RNF170: variants seen among roughly 807,000 people sequenced by gnomAD.
The protein encoded by RNF170 is ring finger protein 170.
A neutral mutation model predicts 32.7 loss-of-function variants in RNF170; 12 were observed. The ratio of observed to expected loss-of-function variants is 0.37; its 90% CI spans 0.24 to 0.60. The LOEUF is 0.60. Among genes scored for constraint, RNF170 ranks in the 20% least tolerant of loss-of-function variants. The pLI, the probability that RNF170 is intolerant of heterozygous loss-of-function variation, is 0.72. For synonymous variants in RNF170, 91 were observed against 103.6 expected, an observed-to-expected ratio of 0.88 and a Z score of 0.74; for missense variants, 212 against 311.2, an observed-to-expected ratio of 0.68 and a Z score of 2.40.
At chr8:42,864,731 A>G (rs1355735733) in intron 5 of RNF170, among the ~76,000 whole-genome samples, 1 of 152,090 alleles carries the variant, frequency 6.6e-6, no homozygotes, top group Non-Finnish European at 1.5e-5. Flanking sequence ...AAATCATTAT[A>G]TACCATTTAA....
intron 3 of RNF170, 103 bp from the exon 4 acceptor site, chr8:42,870,215 C>G: frequency 1.3e-6 from 1 of 783,856 alleles, no homozygotes; most frequent in East Asian, 2.6e-5. Context: ...GTGTGTAACC[C>G]TCATCAAACT....
In RNF170 at chr8:42,876,993, G is replaced by A. The variant is rs1289436340; in HGVS notation, c.138-2987C>T. 4.9e-5 allele frequency among the ~76,000 whole-genome samples: 7 copies of A among 143,700 alleles called. No individual in the cohort carries two copies. In the South Asian group the frequency reaches 8.7e-4, roughly 18 times the overall value. 94.3% of individuals were successfully genotyped at this position (143,700 alleles called of 152,430 possible). ...TTTTGAGACAGAGTCTTGTTCTGTC[G>A]TCCAGGCTGGGGTGCAGTGGCGCCA... On this transcript the variant is annotated intron_variant, in intron 2 of 6. Transcript: ENST00000527424.
intron 6 of RNF170, among the ~76,000 whole-genome samples, chr8:42,857,542 G>A (rs1188610755): frequency 1.3e-5 from 2 of 152,238 alleles, no homozygotes; most frequent in East Asian, 3.9e-4. Context: ...AATTAGACCA[G>A]AAATAATGAA....
chr8:42,888,244 T>C (rs2128953391), intron 1 of RNF170, among the ~76,000 whole-genome samples: 1 of 151,840 alleles, frequency 6.6e-6, no homozygotes, highest in South Asian at 2.1e-4. Context: ...TTTTTGTATT[T>C]TAGTAGAGAC....
chr8:42,867,471 CAAAAAAA>C (rs34272095), intron 4 of RNF170, among the ~76,000 whole-genome samples: 3 of 35,704 alleles, frequency 8.4e-5, no homozygotes, highest in Non-Finnish European at 1.5e-4. Context: ...AACTCCGTCT[CAAAAAAA>C]AAAAAAAAAA....
intron 1 of RNF170, among the ~76,000 whole-genome samples, chr8:42,890,489 G>C (rs902708095): frequency 4.6e-5 from 7 of 152,090 alleles, no homozygotes; most frequent in African/African-American, 1.7e-4. Flanking sequence ...GTGTTAGCCA[G>C]GATGGTCTTG....
In RNF170 at chr8:42,874,001, A is replaced by G; in HGVS notation, c.143T>C (p.Val48Ala). ...GTTTTCTGGGTGAATGTTTTGATGTACATTTCTGTTGAATAGAATATAATA... is the reference window on the plus strand; with the variant it reads ...GTTTTCTGGGTGAATGTTTTGATGTGCATTTCTGTTGAATAGAATATAATA... ...ATLVYALFRN[V>A]HQNIHPENQE... is the part of the protein sequence containing the mutation. The change falls in exon 3 of 7, where the codon GTA becomes GCA. Residue 48 changes from valine to alanine, a missense_variant. By Grantham distance (64) the Val-to-Ala change is moderately conservative. Around this residue, in one of 2 missense-constraint regions of RNF170, gnomAD observed 115 missense variants for 132.3 expected, o/e 0.87. Transcript: ENST00000527424. 1 of 1,579,716 alleles carries G rather than the reference A, an allele frequency of 6.3e-7. No homozygotes were observed. The highest frequency in any genetic ancestry group is 8.7e-7 in the Non-Finnish European group (1 of 1,149,076).
chr8:42,860,204 G>A (rs1000193350), intron 6 of RNF170, among the ~76,000 whole-genome samples: 2 of 152,094 alleles, frequency 1.3e-5, no homozygotes, highest in African/African-American at 4.8e-5. Flanking sequence ...GAGAGGTCTG[G>A]GCTGTCCATA....
chr8:42,876,872 G>A (rs1804980469), intron 2 of RNF170, among the ~76,000 whole-genome samples: 1 of 151,364 alleles, frequency 6.6e-6, no homozygotes, highest in Admixed American at 6.6e-5. Context: ...AGCCAGGATG[G>A]TCTCAATCTC....
chr8:42,850,619 T>G, downstream of RNF170: 1 of 753,862 alleles, frequency 1.3e-6, no homozygotes, highest in East Asian at 2.7e-5. Flanking sequence ...TCATAGAGCT[T>G]GTGTTCTAGT....
downstream of RNF170, chr8:42,850,954 T>C: frequency 1.9e-6 from 3 of 1,551,648 alleles, no homozygotes; most frequent in Non-Finnish European, 2.6e-6. Context: ...AACAGCCTCT[T>C]GATGGGTCTG....
At chr8:42,896,975 T>C (rs1806987136), upstream of RNF170, 1 of 449,348 alleles carries the variant, frequency 2.2e-6, no homozygotes, top group African/African-American at 2.1e-5. Context: ...GGGGTGACGG[T>C]GCGGAGCCGC....
chr8:42,868,081 GA>G (rs1325849728), intron 4 of RNF170, among the ~76,000 whole-genome samples: 1 of 152,114 alleles, frequency 6.6e-6, no homozygotes, highest in Non-Finnish European at 1.5e-5. Flanking sequence ...ATTTCCAATA[GA>G]AAATTAAAAG....
chr8:42,852,776 T>A (rs1393945857), downstream of RNF170, among the ~76,000 whole-genome samples: 2 of 152,188 alleles, frequency 1.3e-5, no homozygotes, highest in Non-Finnish European at 2.9e-5. Context: ...TTTTTCTTTG[T>A]AAAACATCTC....
intron 4 of RNF170, among the ~76,000 whole-genome samples, chr8:42,866,573 A>G (rs1478830333): frequency 6.7e-6 from 1 of 149,898 alleles, no homozygotes; most frequent in African/African-American, 2.5e-5. Context: ...ACAGTGCGAG[A>G]CTCCGTCTCA....
At chr8:42,886,081 G>A (rs556895655) in intron 2 of RNF170, among the ~76,000 whole-genome samples, 29 of 152,118 alleles carry the variant, frequency 1.9e-4, no homozygotes, top group Non-Finnish European at 3.1e-4. Context: ...AAAATTAGCC[G>A]GGCGTGGTGG....
intron 5 of RNF170, among the ~76,000 whole-genome samples, chr8:42,863,215 A>T (rs923983318): frequency 6.6e-6 from 1 of 152,152 alleles, no homozygotes; most frequent in African/African-American, 2.4e-5. Flanking sequence ...AAGACCTATT[A>T]TATTAAGACA....
At chr8:42,888,807 A>C (rs1485337628) in intron 1 of RNF170, among the ~76,000 whole-genome samples, 1 of 149,182 alleles carries the variant, frequency 6.7e-6, no homozygotes. Flanking sequence ...AAATAAATAA[A>C]AGCCATTCTT....
intron 1 of RNF170, among the ~76,000 whole-genome samples, chr8:42,893,226 G>A (rs1037750291): frequency 6.6e-6 from 1 of 152,106 alleles, no homozygotes; most frequent in Non-Finnish European, 1.5e-5. Flanking sequence ...GTTATTAAAT[G>A]TATAGAACAT....
Sources: gnomAD v4.1 joint callset for allele counts (sites outside exome capture counted in the v4.1 genomes callset) on GRCh38, gnomAD v4.1.1 for gene constraint, gnomAD v4.1.1 regional missense constraint, MANE v1.5 for transcripts, NCBI Gene and HGNC (gene_info 2026-07-23, HGNC 2026-07-21) for gene names.